EHD3: variants seen among roughly 807,000 people sequenced by gnomAD.
EHD3 encodes EH domain containing 3.
A neutral mutation model predicts 43.0 loss-of-function variants in EHD3; 17 were observed. The observed-to-expected ratio is 0.40, with a 90% CI of 0.27 to 0.59. The LOEUF (loss-of-function observed/expected upper bound fraction) is 0.59, where lower values mean the gene tolerates loss of function less well. Among genes scored for constraint, EHD3 ranks in the 20% least tolerant of loss-of-function variants. The probability of loss-of-function intolerance (pLI) is 0.49; values close to 1 mark genes in which losing one functional copy is unlikely to be tolerated. For synonymous variants in EHD3, 313 were observed against 289.5 expected (o/e 1.08, Z -0.82); for missense variants, 594 against 705.6 (o/e 0.84, Z 1.79).
In EHD3 at chr2:31,260,660, T is replaced by C; in HGVS notation, c.653T>C (p.Leu218Pro). Residue 218 changes from leucine to proline, a missense_variant, in exon 4 of 6, where the codon CTG (leucine) becomes CCG (proline). Physicochemically the swap from Leu to Pro is moderately conservative, Grantham distance 98 (BLOSUM62 -3). Coordinates refer to ENST00000322054, the MANE Select transcript of EHD3 (RefSeq NM_014600.3). The surrounding 1 kb of genome is among the most constrained non-coding windows in gnomAD (Gnocchi z 4.6). ...KNHEDKMRVVLNKADQIETQQ... is the reference protein window; with the variant it reads ...KNHEDKMRVVPNKADQIETQQ... ...CACGAGGACAAGATGCGAGTGGTGC[T>C]GAACAAAGCTGACCAGATCGAGACG... 6.2e-7 allele frequency: 1 copy of C among 1,614,208 alleles called. No individual in the cohort carries two copies. Among genetic ancestry groups the C allele is most frequent in the Non-Finnish European group, 8.5e-7 (1 of 1,180,038 alleles).
chr2:31,255,721 A>G (rs1683739067), intron 3 of EHD3, among the ~76,000 whole-genome samples: 2 of 152,122 alleles, frequency 1.3e-5, no homozygotes, highest in South Asian at 4.1e-4. Flanking sequence ...CTTGATGGTC[A>G]TGGTCTTCAC....
rs953636934 is a variant in EHD3 at position 31,244,208 on chromosome 2, T to C, written c.228-66T>C. 83 of 1,518,414 alleles carry C rather than the reference T, an allele frequency of 5.5e-5. No homozygotes were observed. In the African/African-American group the frequency reaches 8.5e-4, roughly 15 times the overall value. The allele number at this position is 1,518,414 out of a possible 1,614,324, so 94.1% of individuals were successfully genotyped here. A position where few individuals can be genotyped will look rare whatever the true frequency, so the allele number is the denominator to read the frequency against. On this transcript the variant is annotated intron_variant, in intron 1 of 5. Transcript: ENST00000322054. ...TCTGACTCGCATGTTGTCTGCCTTA[T>C]AGTAGACATGCCGTGTTGATCTTTG...
chr2:31,262,595 A>G (rs1572473690), intron 5 of EHD3, among the ~76,000 whole-genome samples: 1 of 152,186 alleles, frequency 6.6e-6, no homozygotes, highest in African/African-American at 2.4e-5. Context: ...CCACTGTACA[A>G]TGTTTGCAAC....
chr2:31,264,294 A>G (rs1683903482), intron 5 of EHD3, among the ~76,000 whole-genome samples: 1 of 152,194 alleles, frequency 6.6e-6, no homozygotes, highest in Non-Finnish European at 1.5e-5. Context: ...GTAAAAATAC[A>G]GTATGAAAGA....
intron 3 of EHD3, among the ~76,000 whole-genome samples, chr2:31,253,164 TCCCACA>T (rs1683671476): frequency 2.6e-5 from 1 of 39,022 alleles, no homozygotes; most frequent in African/African-American, 1.1e-4. Context: ...ACACACCCAC[TCCCACA>T]CCCACACATG....
At chr2:31,237,525 C>A (rs1242484951) in intron 1 of EHD3, among the ~76,000 whole-genome samples, 1 of 152,144 alleles carries the variant, frequency 6.6e-6, no homozygotes, top group Non-Finnish European at 1.5e-5. Context: ...CTGCCTCAGC[C>A]TCCCAAGTAG....
rs752012797 is a variant in EHD3, at chr2:31,267,316, G to C, written c.*612G>C. The C allele has an allele frequency of 2.6e-5, 4 of 152,184 alleles. No individual in the cohort carries two copies. Among genetic ancestry groups the C allele is most frequent in the Admixed American group, 1.3e-4 (2 of 15,274 alleles). 9.4% of individuals were successfully genotyped at this position (152,184 alleles called of 1,614,324 possible). A position where few individuals can be genotyped will look rare whatever the true frequency, so the allele number is the denominator to read the frequency against. Reference sequence around the variant, plus strand: ...GCAAACCTTGCTTTGAACTCTGCCAGTATTTCATTTTAAAGAATCCCAGAG... The same window carrying C: ...GCAAACCTTGCTTTGAACTCTGCCACTATTTCATTTTAAAGAATCCCAGAG... On this transcript the variant is annotated 3_prime_UTR_variant, in exon 6 of 6. Coordinates refer to ENST00000322054, the MANE Select transcript of EHD3 (RefSeq NM_014600.3).
At position 31,268,813 on chromosome 2, in the gene EHD3, G is replaced by C. The variant is rs566954673; in HGVS notation, c.*2109G>C. On this transcript the variant is annotated 3_prime_UTR_variant, in exon 6 of 6. Coordinates refer to ENST00000322054, the MANE Select transcript of EHD3 (RefSeq NM_014600.3). ...GGAGAAATGGGAAGGAAATAGCAGA[G>C]GTAGGTGAAGTTCCTGTCTTTTTAT... 6.6e-6 allele frequency: 1 copy of C among 152,202 alleles called. No homozygotes were observed. Among genetic ancestry groups the C allele is most frequent in the South Asian group, 2.1e-4 (1 of 4,826 alleles). 9.4% of individuals were successfully genotyped at this position (152,202 alleles called of 1,614,324 possible). A position where few individuals can be genotyped will look rare whatever the true frequency, so the allele number is the denominator to read the frequency against.
chr2:31,234,322 T>G lies in EHD3; in HGVS notation c.-300T>G. The G allele has an allele frequency of 5.1e-6, 2 of 391,980 alleles. No individual in the cohort carries two copies. Among genetic ancestry groups the G allele is most frequent in the Admixed American group, 4.1e-5 (1 of 24,540 alleles). 24.3% of individuals were successfully genotyped at this position (391,980 alleles called of 1,614,324 possible). A position where few individuals can be genotyped will look rare whatever the true frequency, so the allele number is the denominator to read the frequency against. ...GGCTTGGGACCCCGGCATCTGGCAG[T>G]TTCCTTGCAGGTTCAACTTTAATTG... On this transcript the variant is annotated 5_prime_UTR_variant, in exon 1 of 6. Transcript: ENST00000322054.
At chr2:31,244,541 G>T in intron 2 of EHD3, 91 bp downstream of exon 2, 1 of 1,385,318 alleles carries the variant, frequency 7.2e-7, no homozygotes. Context: ...GTCTTGGGAT[G>T]CTTGGTGCCT....
At chr2:31,264,760 C>G (rs1300813310) in intron 5 of EHD3, among the ~76,000 whole-genome samples, 1 of 151,788 alleles carries the variant, frequency 6.6e-6, no homozygotes, top group Admixed American at 6.6e-5. Flanking sequence ...GTCTCGATCT[C>G]TTGACCTCGT....
intron 2 of EHD3, 110 bp from the exon 3 acceptor site, chr2:31,249,261 C>A: frequency 1.0e-6 from 1 of 960,828 alleles, no homozygotes; most frequent in Non-Finnish European, 1.6e-6. Flanking sequence ...CTAAACCCTT[C>A]AGGATGCACC....
rs758911736 is a variant in EHD3, at chr2:31,260,736, C to A, written c.729C>A (p.Ile243=). ...YGALMWSLGK[I]VNTPEVIRVY... ...CCCTCATGTGGTCCTTGGGGAAGATCGTGAACACCCCAGAGGTGATCCGGG... is the reference window on the plus strand; with the variant it reads ...CCCTCATGTGGTCCTTGGGGAAGATAGTGAACACCCCAGAGGTGATCCGGG... The change falls in exon 4 of 6, where the codon ATC becomes ATA. Residue 243 remains isoleucine (I), a synonymous_variant. Coordinates refer to ENST00000322054, the MANE Select transcript of EHD3 (RefSeq NM_014600.3). The surrounding 1 kb of genome is among the most constrained non-coding windows in gnomAD (Gnocchi z 4.6). 6.2e-7 allele frequency: 1 copy of A among 1,614,082 alleles called. No individual in the cohort carries two copies. The highest frequency in any genetic ancestry group is 2.2e-5 in the East Asian group (1 of 44,886).
rs147787894 is a variant in EHD3 at position 31,248,996 on chromosome 2, A to T, written c.405-375A>T. The stretch of plus-strand genomic sequence containing the variant: ...AGAGAGGGCCAAGCTAAGTGGAGTA[A>T]CTCAAGGCAAGGAGGTAGCTGACCA... On this transcript the variant is annotated intron_variant, in intron 2 of 5. Coordinates refer to ENST00000322054, the MANE Select transcript of EHD3 (RefSeq NM_014600.3). Among the ~76,000 whole-genome samples, 523 of 152,228 alleles carry T rather than the reference A, an allele frequency of 3.4e-3. 6 individuals are homozygous for T. The highest frequency in any genetic ancestry group is 0.012 in the African/African-American group (483 of 41,546).
At chr2:31,249,284 G>A in intron 2 of EHD3, 87 bp from the exon 3 acceptor site, 2 of 1,232,974 alleles carry the variant, frequency 1.6e-6, no homozygotes, top group Non-Finnish European at 1.2e-6. Context: ...CAGCTCACCT[G>A]AGAGAGACAA....
intron 1 of EHD3, among the ~76,000 whole-genome samples, chr2:31,237,309 T>A (rs1205542317): frequency 6.6e-6 from 1 of 151,610 alleles, no homozygotes; most frequent in Non-Finnish European, 1.5e-5. Context: ...ATATAAAGCA[T>A]ATAATTTATA....
intron 1 of EHD3, among the ~76,000 whole-genome samples, chr2:31,243,452 C>CTTTTTTTTTTT (rs1266371746): frequency 2.9e-5 from 1 of 34,820 alleles, no homozygotes; most frequent in African/African-American, 9.4e-5. Context: ...TTCTTTCTTT[C>CTTTTTTTTTTT]TTTCTTTCTT....
At chr2:31,243,115 A>G (rs1683451955) in intron 1 of EHD3, among the ~76,000 whole-genome samples, 1 of 152,000 alleles carries the variant, frequency 6.6e-6, no homozygotes, top group South Asian at 2.1e-4. Context: ...CGTCTTTACA[A>G]AAATACAAAA....
At chr2:31,245,123 T>C (rs1486154562) in intron 2 of EHD3, among the ~76,000 whole-genome samples, 1 of 152,212 alleles carries the variant, frequency 6.6e-6, no homozygotes, top group Non-Finnish European at 1.5e-5. Context: ...CAGTTTCACA[T>C]GTGCATGGTA....
Sources: gnomAD v4.1 joint callset for allele counts (sites outside exome capture counted in the v4.1 genomes callset) on GRCh38, gnomAD v4.1.1 for gene constraint, Gnocchi (gnomAD v3.1) non-coding constraint, MANE v1.5 for transcripts, NCBI Gene and HGNC (gene_info 2026-07-23, HGNC 2026-07-21) for gene names.